Variants in GALNT18 observed in about 807,000 individuals in gnomAD.
GALNT18 encodes the protein GalNAc-transferase 18.
In GALNT18, 44 loss-of-function variants were observed where a neutral mutation model predicts 69.5. The ratio of observed to expected loss-of-function variants is 0.63; its 90% CI spans 0.50 to 0.81. The LOEUF is 0.81. Among genes scored for constraint, GALNT18 ranks in the 40% least tolerant of loss-of-function variants. The pLI, the probability that GALNT18 is intolerant of heterozygous loss-of-function variation, is 0.00. For synonymous variants in GALNT18, 364 were observed against 318.2 expected, an observed-to-expected ratio of 1.14 and a Z score of -1.53; for missense variants, 715 against 810.0, an observed-to-expected ratio of 0.88 and a Z score of 1.42.
At chr11:11,305,938 G>C (rs1849569832) in intron 9 of GALNT18, among the ~76,000 whole-genome samples, 1 of 152,088 alleles carries the variant, frequency 6.6e-6, no homozygotes, top group African/African-American at 2.4e-5. Context: ...GCACTCCCTG[G>C]TGCCTGCCTC....
chr11:11,528,065 A>G (rs2133937780), intron 1 of GALNT18, among the ~76,000 whole-genome samples: 1 of 152,356 alleles, frequency 6.6e-6, no homozygotes, highest in East Asian at 1.9e-4. Context: ...AAAGGAGGAA[A>G]CTGAGTCCTA....
rs1039279112 is a variant in GALNT18 at position 11,332,582 on chromosome 11, A to G, written c.1416+112T>C. On this transcript the variant is annotated intron_variant, in intron 8 of 10. Transcript: ENST00000227756. The surrounding 1 kb of genome is among the most constrained non-coding windows in gnomAD (Gnocchi z 4.3). Reference sequence around the variant, plus strand: ...AACCCAGCGCCCGGTCCCCAGGCCTACTGCAGTTCTTCATGTGAGCAGCTG... The same window carrying G: ...AACCCAGCGCCCGGTCCCCAGGCCTGCTGCAGTTCTTCATGTGAGCAGCTG... 20 of 1,230,770 alleles carry G rather than the reference A, an allele frequency of 1.6e-5. No homozygotes were observed. The African/African-American group carries it at 2.7e-4, about 16-fold the overall frequency. 76.2% of individuals were successfully genotyped at this position (1,230,770 alleles called of 1,614,324 possible).
In GALNT18 at chr11:11,604,938, T is replaced by A. The variant is rs994238219; in HGVS notation, c.235+16421A>T. Among the ~76,000 whole-genome samples the A allele has an allele frequency of 6.6e-6, 1 of 152,060 alleles. No homozygotes were observed. Among genetic ancestry groups the A allele is most frequent in the African/African-American group, 2.4e-5 (1 of 41,378 alleles). On this transcript the variant is annotated intron_variant, in intron 1 of 10. Transcript: ENST00000227756. The surrounding 1 kb of genome is among the most constrained non-coding windows in gnomAD (Gnocchi z 5.6). ...ACTGGCTATTGCTCCTGGCCGTGAG[T>A]CTGCGGAGGTAAAAAAAAAGAATGG...
chr11:11,352,217 C>T (rs773576686), intron 6 of GALNT18: 34 of 1,613,724 alleles, frequency 2.1e-5, no homozygotes, highest in Non-Finnish European at 2.8e-5. Flanking sequence ...GCAGTTTGTC[C>T]AGGAAATCCA....
chr11:11,346,455 C>T (rs574024361), intron 6 of GALNT18, among the ~76,000 whole-genome samples: 1 of 152,328 alleles, frequency 6.6e-6, no homozygotes, highest in Non-Finnish European at 1.5e-5. Context: ...TGACTTTCTT[C>T]AAACTCAAGT....
intron 6 of GALNT18, among the ~76,000 whole-genome samples, chr11:11,354,232 G>A (rs575251711): frequency 1.3e-5 from 2 of 152,304 alleles, no homozygotes; most frequent in South Asian, 4.1e-4. Context: ...TTACAAAAGA[G>A]ATCAGCATAC....
intron 3 of GALNT18, among the ~76,000 whole-genome samples, chr11:11,418,232 GAGA>G (rs1226110367): frequency 6.6e-6 from 1 of 152,224 alleles, no homozygotes; most frequent in Non-Finnish European, 1.5e-5. Flanking sequence ...GTAGGAAAGA[GAGA>G]AGAAGGAATC....
intron 1 of GALNT18, among the ~76,000 whole-genome samples, chr11:11,547,074 G>A (rs1201869698): frequency 6.6e-6 from 1 of 152,174 alleles, no homozygotes; most frequent in African/African-American, 2.4e-5. Flanking sequence ...TAATGCCTAT[G>A]TTGAAGAGCT....
rs1857842837 is a variant in GALNT18, at chr11:11,538,809, C to T, written c.235+82550G>A. ...CGCAGGCCCGCTGATCTCCTTACTC[C>T]TGCTGCTGCCTCCTTTAACTTCATG... On this transcript the variant is annotated intron_variant, in intron 1 of 10. Coordinates refer to ENST00000227756, the MANE Select transcript of GALNT18 (RefSeq NM_198516.3). The surrounding 1 kb of genome is among the most constrained non-coding windows in gnomAD (Gnocchi z 5.2). Among the ~76,000 whole-genome samples the T allele has an allele frequency of 6.6e-6, 1 of 152,188 alleles. No individual in the cohort carries two copies. The highest frequency in any genetic ancestry group is 3.2e-3 in the Middle Eastern group (1 of 316).
Position 11,552,315 on chromosome 11 carries a change from C to T in GALNT18, c.235+69044G>A, listed in dbSNP as rs536767902. Among the ~76,000 whole-genome samples, 4 of 152,330 alleles carry T rather than the reference C, an allele frequency of 2.6e-5. No homozygotes were observed. In the South Asian group the frequency reaches 8.3e-4, roughly 32 times the overall value. On this transcript the variant is annotated intron_variant, in intron 1 of 10. Transcript: ENST00000227756. ...ACCCCAAAAAAGCTAGAAACTCCTCCAGCTGTCCCCCTACCCCATTCTTTC... is the reference window on the plus strand; with the variant it reads ...ACCCCAAAAAAGCTAGAAACTCCTCTAGCTGTCCCCCTACCCCATTCTTTC...
At chr11:11,275,488 C>T (rs541405717) in intron 10 of GALNT18, among the ~76,000 whole-genome samples, 1 of 152,284 alleles carries the variant, frequency 6.6e-6, no homozygotes, top group African/African-American at 2.4e-5. Context: ...CTGTAGTTGC[C>T]TGTTCACTCT....
Position 11,463,223 on chromosome 11 carries a change from CACAGAGAG to C in GALNT18, c.236-14295_236-14288del, listed in dbSNP as rs1483827977. 1.9e-4 allele frequency among the ~76,000 whole-genome samples: 29 copies of C among 151,108 alleles called. No individual in the cohort carries two copies. In the South Asian group the frequency reaches 5.9e-3, roughly 31 times the overall value. ...ACAGACAGACAGACACACACACACA[CACAGAGAG>C]AGAGAGAGAGAGTTCCAGAAGCCCG... On this transcript the variant is annotated intron_variant, in intron 1 of 10. Coordinates refer to ENST00000227756, the MANE Select transcript of GALNT18 (RefSeq NM_198516.3). This position sits in a 1 kb window ranked among gnomAD's most constrained non-coding sequence, Gnocchi z 4.2.
intron 1 of GALNT18, among the ~76,000 whole-genome samples, chr11:11,474,158 A>T (rs1334103368): frequency 6.6e-6 from 1 of 152,258 alleles, no homozygotes; most frequent in Non-Finnish European, 1.5e-5. Flanking sequence ...CAGATTGTGA[A>T]ATAGTAAGAG....
intron 10 of GALNT18, among the ~76,000 whole-genome samples, chr11:11,291,370 G>A (rs918710997): frequency 6.6e-6 from 1 of 152,222 alleles, no homozygotes; most frequent in Non-Finnish European, 1.5e-5. Flanking sequence ...CCTTGGGCAT[G>A]TTCGTTAACT....
chr11:11,398,201 A>G (rs964833797), intron 3 of GALNT18, among the ~76,000 whole-genome samples: 1 of 152,226 alleles, frequency 6.6e-6, no homozygotes, highest in African/African-American at 2.4e-5. Flanking sequence ...TCAAATCTGT[A>G]TATGTCTTTT....
chr11:11,367,157 C>T (rs1850791385), intron 6 of GALNT18, among the ~76,000 whole-genome samples: 1 of 152,080 alleles, frequency 6.6e-6, no homozygotes, highest in Non-Finnish European at 1.5e-5. Context: ...GGATTCTACT[C>T]CCAATCAGAT....
chr11:11,531,139 G>A (rs1469476526), intron 1 of GALNT18, among the ~76,000 whole-genome samples: 4 of 152,196 alleles, frequency 2.6e-5, no homozygotes, highest in African/African-American at 9.7e-5. Flanking sequence ...ACTACACGAG[G>A]ATTTATTCTG....
chr11:11,549,912 C>T (rs917020362), intron 1 of GALNT18, among the ~76,000 whole-genome samples: 2 of 152,192 alleles, frequency 1.3e-5, no homozygotes, highest in East Asian at 3.9e-4. Flanking sequence ...AAGTCAAGGG[C>T]CTGTCCTGGT....
chr11:11,611,584 A>C (rs112671037), intron 1 of GALNT18, among the ~76,000 whole-genome samples: 2 of 152,180 alleles, frequency 1.3e-5, no homozygotes, highest in Non-Finnish European at 2.9e-5. Context: ...AGGCTTGCCC[A>C]GGGAATTGGG....
Sources: gnomAD v4.1 joint callset for allele counts (sites outside exome capture counted in the v4.1 genomes callset) on GRCh38, gnomAD v4.1.1 for gene constraint, Gnocchi (gnomAD v3.1) non-coding constraint, MANE v1.5 for transcripts, NCBI Gene and HGNC (gene_info 2026-07-23, HGNC 2026-07-21) for gene names.